Variants in DPYD observed in about 807,000 individuals in gnomAD.
The protein encoded by DPYD is dihydropyrimidine dehydrogenase [NADP(+)].
Under a neutral mutation model 116.2 loss-of-function variants are expected in DPYD, and 109 were observed. That is an observed-to-expected ratio of 0.94 (90% CI 0.80 to 1.10). DPYD has a LOEUF of 1.10. Among genes scored for constraint, DPYD ranks in the 50% least tolerant of loss-of-function variants. DPYD has a pLI of 0.00. For missense variants in DPYD, 1,302 were observed against 1,254.5 expected, an observed-to-expected ratio of 1.04 and a Z score of -0.57; for synonymous variants, 440 against 432.0, an observed-to-expected ratio of 1.02 and a Z score of -0.23.
At position 97,905,278 on chromosome 1, in the gene DPYD, TA is replaced by T. The variant is rs1195647014; in HGVS notation, c.39+15605del. ...AAAGGGAGCAAGGGTTAGACTAATATAAAATTAACCTTAGATCATATCCTTG... is the reference window on the plus strand; with the variant it reads ...AAAGGGAGCAAGGGTTAGACTAATATAAATTAACCTTAGATCATATCCTTG... On this transcript the variant is annotated intron_variant, in intron 1 of 22. Transcript: ENST00000370192. Among the ~76,000 whole-genome samples the T allele has an allele frequency of 2.6e-5, 4 of 151,982 alleles. No individual in the cohort carries two copies. The East Asian group carries it at 7.8e-4, about 29-fold the overall frequency.
In DPYD at chr1:97,297,860, C is replaced by A. The variant is rs187929929; in HGVS notation, c.2299+7399G>T. Among the ~76,000 whole-genome samples, 20 of 152,276 alleles carry A rather than the reference C, an allele frequency of 1.3e-4. No individual in the cohort carries two copies. The East Asian group carries it at 3.9e-3, about 29-fold the overall frequency. ...TAATTTTATCCTTGCCTAACTCACA[C>A]CTGTTTCCTTTTCAAAGGACTAGTG... On this transcript the variant is annotated intron_variant, in intron 18 of 22. Coordinates refer to ENST00000370192, the MANE Select transcript of DPYD (RefSeq NM_000110.4).
At chr1:97,722,647 G>C (rs1418523184) in intron 4 of DPYD, among the ~76,000 whole-genome samples, 1 of 151,438 alleles carries the variant, frequency 6.6e-6, no homozygotes, top group Non-Finnish European at 1.5e-5. Context: ...AATTTTGAAG[G>C]TCTTTGAAAG....
intron 13 of DPYD, among the ~76,000 whole-genome samples, chr1:97,496,393 T>C (rs1017412811): frequency 1.3e-5 from 2 of 152,076 alleles, no homozygotes; most frequent in African/African-American, 4.8e-5. Context: ...CTTGTGACTA[T>C]TTTCTACACT....
intron 16 of DPYD, among the ~76,000 whole-genome samples, chr1:97,361,736 C>T (rs576697817): frequency 1.7e-4 from 26 of 152,182 alleles, no homozygotes; most frequent in African/African-American, 5.8e-4. Context: ...CATAAAAGGC[C>T]TTCAATAAAA....
chr1:97,715,246 T>C (rs948577393), intron 5 of DPYD, among the ~76,000 whole-genome samples: 9 of 152,118 alleles, frequency 5.9e-5, no homozygotes, highest in African/African-American at 2.2e-4. Context: ...TGAAGCACTA[T>C]GCAAAGTACA....
intron 4 of DPYD, among the ~76,000 whole-genome samples, chr1:97,729,768 A>C (rs1663483570): frequency 6.6e-6 from 1 of 152,114 alleles, no homozygotes; most frequent in African/African-American, 2.4e-5. Flanking sequence ...AATGAACTTG[A>C]GAACTTACAA....
intron 12 of DPYD, among the ~76,000 whole-genome samples, chr1:97,521,429 G>A (rs896749689): frequency 1.3e-5 from 2 of 152,068 alleles, no homozygotes; most frequent in Non-Finnish European, 2.9e-5. Context: ...CAAACAAATG[G>A]AAAAACATTT....
chr1:97,422,078 A>G (rs758871312), intron 14 of DPYD, among the ~76,000 whole-genome samples: 9 of 152,286 alleles, frequency 5.9e-5, no homozygotes, highest in Middle Eastern at 3.4e-3. Flanking sequence ...GTTCTCACCA[A>G]TAGTTGAAAG....
At chr1:97,332,627 T>G (rs1204451685) in intron 16 of DPYD, among the ~76,000 whole-genome samples, 2 of 152,194 alleles carry the variant, frequency 1.3e-5, no homozygotes, top group Non-Finnish European at 2.9e-5. Flanking sequence ...TGCCTTGTCA[T>G]GTAATAGAAA....
At chr1:97,217,122 C>T (rs556121920) in intron 19 of DPYD, among the ~76,000 whole-genome samples, 10 of 151,270 alleles carry the variant, frequency 6.6e-5, no homozygotes, top group South Asian at 6.3e-4. Context: ...GCAGGAGAAT[C>T]GCTTGAACAC....
intron 3 of DPYD, among the ~76,000 whole-genome samples, chr1:97,791,122 G>A (rs1557964414): frequency 6.6e-6 from 1 of 152,156 alleles, no homozygotes; most frequent in Non-Finnish European, 1.5e-5. Context: ...CAGTTCTCAA[G>A]TGGCATGATT....
intron 1 of DPYD, among the ~76,000 whole-genome samples, chr1:97,901,189 G>A (rs1478165418): frequency 1.3e-5 from 2 of 151,804 alleles, no homozygotes; most frequent in African/African-American, 4.8e-5. Context: ...GGAAGTAACA[G>A]AGATTCTTAA....
At chr1:97,384,015 G>C (rs1415170081) in intron 14 of DPYD, among the ~76,000 whole-genome samples, 1 of 152,054 alleles carries the variant, frequency 6.6e-6, no homozygotes, top group Non-Finnish European at 1.5e-5. Flanking sequence ...AAGCTGAGAT[G>C]GGAGGATCAC....
intron 5 of DPYD, chr1:97,700,291 G>C (rs1661526803): frequency 4.4e-6 from 2 of 455,798 alleles, no homozygotes; most frequent in Non-Finnish European, 8.8e-6. Flanking sequence ...GGAAATGTAG[G>C]AGGCCATTAA....
At chr1:97,364,491 T>C (rs1290721448) in intron 16 of DPYD, among the ~76,000 whole-genome samples, 1 of 152,176 alleles carries the variant, frequency 6.6e-6, no homozygotes, top group Admixed American at 6.5e-5. Flanking sequence ...TCAAAGACAG[T>C]AAAATTGTAA....
chr1:97,154,706 CA>C (rs35900828), intron 20 of DPYD, among the ~76,000 whole-genome samples: 77,791 of 122,698 alleles, frequency 0.63, 22,471 homozygotes, highest in African/African-American at 0.71. Context: ...GACTCCATCT[CA>C]AAAAAAAAAA....
chr1:97,685,866 C>T (rs1382644669), intron 7 of DPYD, among the ~76,000 whole-genome samples: 3 of 152,184 alleles, frequency 2.0e-5, no homozygotes, highest in African/African-American at 2.4e-5. Context: ...ACTCCATGCT[C>T]ATGAATAAGA....
rs1256230284 is a variant in DPYD at position 97,206,656 on chromosome 1, A to G, written c.2443-13408T>C. ...GGAGATTTTATATATATATATATAT[A>G]TATATATATATATATATATATATAT... On this transcript the variant is annotated intron_variant, in intron 19 of 22. Transcript: ENST00000370192. Among the ~76,000 whole-genome samples the G allele has an allele frequency of 1.4e-3, 111 of 81,526 alleles. 3 individuals are homozygous for G. Among genetic ancestry groups the G allele is most frequent in the African/African-American group, 8.3e-3 (105 of 12,692 alleles). The allele number at this position is 81,526 out of a possible 152,430, so 53.5% of individuals were successfully genotyped here.
At chr1:97,203,830 C>T (rs1166634895) in intron 19 of DPYD, among the ~76,000 whole-genome samples, 1 of 142,664 alleles carries the variant, frequency 7.0e-6, no homozygotes, top group Non-Finnish European at 1.5e-5. Flanking sequence ...AACAACTCAC[C>T]TACAATGAGA....
Sources: gnomAD v4.1 joint callset for allele counts (sites outside exome capture counted in the v4.1 genomes callset) on GRCh38, gnomAD v4.1.1 for gene constraint, MANE v1.5 for transcripts, NCBI Gene and HGNC (gene_info 2026-07-23, HGNC 2026-07-21) for gene names.